FNBP4: variants seen among roughly 807,000 people sequenced by gnomAD.
FNBP4 encodes formin-binding protein 4.
In FNBP4, 34 loss-of-function variants were observed where a neutral mutation model predicts 119.3. The ratio of observed to expected loss-of-function variants is 0.28; its 90% CI spans 0.22 to 0.38. The LOEUF is 0.38. Ranked by LOEUF, FNBP4 falls within the 10% of genes least tolerant of loss-of-function variation. The probability of loss-of-function intolerance (pLI) is 1.00; values close to 1 mark genes in which losing one functional copy is unlikely to be tolerated. For synonymous variants in FNBP4, 462 were observed against 430.6 expected (o/e 1.07, Z -0.90); for missense variants, 1,112 against 1,228.9 (o/e 0.90, Z 1.42).
In FNBP4 at chr11:47,724,583, C is replaced by T. The variant is rs2097559031; in HGVS notation, c.2204G>A (p.Gly735Asp). 1 of 1,613,978 alleles carries T rather than the reference C, an allele frequency of 6.2e-7. No individual in the cohort carries two copies. The highest frequency in any genetic ancestry group is 1.3e-5 in the African/African-American group (1 of 74,892). Residue 735 changes from glycine (G) to aspartate (D), a missense_variant, in exon 13 of 17, where the codon GGT becomes GAT. Gly to Asp is a moderately conservative substitution (Grantham distance 94). Transcript: ENST00000263773. ...PPPPPPPAED[G>D]EIQEVEMEDE... ...CTCCATCTCTACCTCCTGGATCTCA[C>T]CATCTTCCGCAGGAGGAGGTGGTGG...
At chr11:47,723,600 G>A (rs755700861) in intron 14 of FNBP4, among the ~76,000 whole-genome samples, 5 of 152,180 alleles carry the variant, frequency 3.3e-5, no homozygotes, top group South Asian at 4.2e-4. Context: ...TTGCTCTGTC[G>A]CCCAGACTGG....
intron 12 of FNBP4, 120 bp downstream of exon 12, chr11:47,731,254 C>A: frequency 2.0e-6 from 2 of 976,034 alleles, no homozygotes; most frequent in Non-Finnish European, 2.9e-6. Flanking sequence ...TTAGTTCACA[C>A]CACTATTCTC....
chr11:47,720,821 T>C (rs376132543), intron 15 of FNBP4, among the ~76,000 whole-genome samples: 1 of 148,710 alleles, frequency 6.7e-6, no homozygotes, highest in East Asian at 2.0e-4. Flanking sequence ...CAAAGCAAAC[T>C]GCCATATTAG....
intron 2 of FNBP4, among the ~76,000 whole-genome samples, chr11:47,755,161 T>C (rs1317842455): frequency 7.5e-6 from 1 of 133,406 alleles, no homozygotes; most frequent in Admixed American, 7.9e-5. Context: ...AAAAAAAAAT[T>C]GATCTGGGCT....
At chr11:47,731,783 AC>A in intron 11 of FNBP4, 1 of 1,277,346 alleles carries the variant, frequency 7.8e-7, no homozygotes, top group South Asian at 2.9e-5. Flanking sequence ...ACAGCCCTGA[AC>A]CCTCTCACTC....
chr11:47,743,906 C>G (rs1431703038), intron 8 of FNBP4, 47 bp downstream of exon 8: 1 of 1,514,184 alleles, frequency 6.6e-7, no homozygotes. Context: ...AGTTTCCTTC[C>G]CCTCTATATC....
intron 12 of FNBP4, among the ~76,000 whole-genome samples, chr11:47,728,848 C>CTTTTT (rs35490791): frequency 3.5e-5 from 4 of 113,548 alleles, no homozygotes; most frequent in African/African-American, 6.6e-5. Flanking sequence ...CTGTAGGCGT[C>CTTTTT]TTTTTTTTTT....
rs560331085 is a variant in FNBP4 at position 47,724,514 on chromosome 11, T to A, written c.2273A>T (p.Asp758Val). The change falls in exon 13 of 17, where the codon GAT becomes GTT. Residue 758 changes from aspartate to valine, a missense_variant. Asp to Val is a radical substitution (Grantham distance 152, BLOSUM62 -3). This residue lies in a region of FNBP4 where 826 missense variants were observed against 988.8 expected (regional missense o/e 0.84). Transcript: ENST00000263773. ...TTGTGCTGAAGGTTTCAAAGGGGTA[T>A]CTTCCTCTGTTCCTGGGGCAGGGGG... ...EEPPAPGTEE[D>V]TPLKPSAQTT... The A allele has an allele frequency of 6.2e-7, 1 of 1,614,240 alleles. No homozygotes were observed. Among genetic ancestry groups the A allele is most frequent in the East Asian group, 2.2e-5 (1 of 44,890 alleles).
At chr11:47,756,805 T>C (rs1292513014) in intron 2 of FNBP4, among the ~76,000 whole-genome samples, 2 of 152,234 alleles carry the variant, frequency 1.3e-5, no homozygotes, top group Admixed American at 1.3e-4. Flanking sequence ...TTTGGTTTTC[T>C]GTCCTTGCGA....
At chr11:47,759,369 G>A (rs1323900277) in intron 2 of FNBP4, among the ~76,000 whole-genome samples, 10 of 149,228 alleles carry the variant, frequency 6.7e-5, no homozygotes, top group African/African-American at 2.5e-4. Flanking sequence ...GCACCACCAC[G>A]CCTGGCTAAT....
chr11:47,728,438 C>T (rs2097563642), intron 12 of FNBP4, among the ~76,000 whole-genome samples: 1 of 151,798 alleles, frequency 6.6e-6, no homozygotes, highest in African/African-American at 2.4e-5. Flanking sequence ...TTAGTAGAGA[C>T]AGGGTGATAC....
intron 10 of FNBP4, 144 bp downstream of exon 10, chr11:47,733,881 C>T (rs2051625535): frequency 4.0e-6 from 2 of 504,794 alleles, no homozygotes; most frequent in South Asian, 7.1e-5. Context: ...AGTTTTATTT[C>T]CTGGATTGTC....
At chr11:47,745,556 TTAAGA>T (rs1696350427) in intron 7 of FNBP4, among the ~76,000 whole-genome samples, 1 of 152,046 alleles carries the variant, frequency 6.6e-6, no homozygotes, top group African/African-American at 2.4e-5. Context: ...TTTCTGTTGT[TTAAGA>T]TGTTTATCAA....
At chr11:47,737,521 C>CCTGTTGAGG (rs1453909859) in intron 8 of FNBP4, among the ~76,000 whole-genome samples, 2 of 151,988 alleles carry the variant, frequency 1.3e-5, no homozygotes, top group Non-Finnish European at 2.9e-5. Flanking sequence ...CTCACTGCAG[C>CCTGTTGAGG]CTCAACCTCC....
chr11:47,764,067 A>T (rs1247899009), intron 2 of FNBP4, among the ~76,000 whole-genome samples: 1 of 152,192 alleles, frequency 6.6e-6, no homozygotes, highest in Non-Finnish European at 1.5e-5. Context: ...CATTCAAACC[A>T]CAGGAGTAAT....
At chr11:47,735,129 T>C (rs909553638) in intron 9 of FNBP4, among the ~76,000 whole-genome samples, 2 of 152,262 alleles carry the variant, frequency 1.3e-5, no homozygotes, top group East Asian at 3.9e-4. Flanking sequence ...TGTAAGTTAC[T>C]TTACCTGGTT....
intron 2 of FNBP4, among the ~76,000 whole-genome samples, chr11:47,762,968 T>A (rs1050124077): frequency 1.3e-5 from 2 of 149,884 alleles, no homozygotes; most frequent in Admixed American, 1.3e-4. Flanking sequence ...ACTCTAGGAT[T>A]CAAGTGATCC....
chr11:47,753,036 G>A lies in FNBP4; in HGVS notation c.517C>T (p.Pro173Ser). The A allele has an allele frequency of 6.2e-7, 1 of 1,614,170 alleles. No homozygotes were observed. Among genetic ancestry groups the A allele is most frequent in the Non-Finnish European group, 8.5e-7 (1 of 1,180,008 alleles). ...PVGASAPPPT[P>S]PRPEPKEAAT... ...GCTTCCTTTGGCTCTGGTCGAGGTG[G>A]AGTTGGAGGTGGAGCAGAAGCTCCT... The change falls in exon 4 of 17, where the codon CCA becomes TCA. Residue 173 changes from proline (P) to serine (S), a missense_variant. Physicochemically the swap from Pro to Ser is moderately conservative, Grantham distance 74. Coordinates refer to ENST00000263773, the MANE Select transcript of FNBP4 (RefSeq NM_015308.5).
Position 47,717,225 on chromosome 11 carries a change from A to C in FNBP4, c.*197T>G. On this transcript the variant is annotated 3_prime_UTR_variant, in exon 17 of 17. Transcript: ENST00000263773. ...AAGGCAGCATGGTCAAAGCAATTCC[A>C]ATCACCTCATCCCTTTGCAAAAACA... 1.2e-5 allele frequency: 6 copies of C among 499,790 alleles called. No individual in the cohort carries two copies. Among genetic ancestry groups the C allele is most frequent in the African/African-American group, 1.9e-5 (1 of 51,828 alleles). 31.0% of individuals were successfully genotyped at this position (499,790 alleles called of 1,614,324 possible).
Sources: gnomAD v4.1 joint callset for allele counts (sites outside exome capture counted in the v4.1 genomes callset) on GRCh38, gnomAD v4.1.1 for gene constraint, gnomAD v4.1.1 regional missense constraint, MANE v1.5 for transcripts, NCBI Gene and HGNC (gene_info 2026-07-23, HGNC 2026-07-21) for gene names.